DOK5: variants seen among roughly 807,000 people sequenced by gnomAD.
The protein encoded by DOK5 is downstream of tyrosine kinase 5.
A neutral mutation model predicts 43.3 loss-of-function variants in DOK5; 27 were observed. That is an observed-to-expected ratio of 0.62 (90% CI 0.46 to 0.86). DOK5 has a LOEUF of 0.86. DOK5 is among the 40% of genes least tolerant of loss of function. The pLI, the probability that DOK5 is intolerant of heterozygous loss-of-function variation, is 0.00. For synonymous variants in DOK5, 146 were observed against 140.1 expected, an observed-to-expected ratio of 1.04 and a Z score of -0.30; for missense variants, 373 against 392.9, an observed-to-expected ratio of 0.95 and a Z score of 0.43.
intron 1 of DOK5, among the ~76,000 whole-genome samples, chr20:54,539,934 C>G (rs547282702): frequency 6.6e-6 from 1 of 152,184 alleles, no homozygotes; most frequent in Non-Finnish European, 1.5e-5. Flanking sequence ...TGAAGTGCAG[C>G]GGAGGAAATA....
Position 54,589,180 on chromosome 20 carries a change from G to A in DOK5, c.409+374G>A, listed in dbSNP as rs191844637. Among the ~76,000 whole-genome samples the A allele has an allele frequency of 3.9e-5, 6 of 152,260 alleles. No individual in the cohort carries two copies. The East Asian group carries it at 9.7e-4, about 25-fold the overall frequency. ...ATGAGGAAACTAAAATTTAGAGGAC[G>A]TAAAGACTTTCCTTCAATTCTGTTA... On this transcript the variant is annotated intron_variant, in intron 4 of 7. Transcript: ENST00000262593.
At chr20:54,559,759 G>A (rs549614963) in intron 2 of DOK5, among the ~76,000 whole-genome samples, 5 of 152,342 alleles carry the variant, frequency 3.3e-5, no homozygotes, top group South Asian at 2.1e-4. Flanking sequence ...AGGGAACACA[G>A]TCTGGGATTT....
intron 1 of DOK5, among the ~76,000 whole-genome samples, chr20:54,553,721 C>A (rs1384180204): frequency 6.7e-6 from 1 of 150,190 alleles, no homozygotes; most frequent in Non-Finnish European, 1.5e-5. Context: ...ATGGTGAAAC[C>A]CGGTCTCTAC....
intron 1 of DOK5, among the ~76,000 whole-genome samples, chr20:54,519,868 G>A (rs1385086681): frequency 6.6e-6 from 1 of 152,166 alleles, no homozygotes; most frequent in Non-Finnish European, 1.5e-5. Context: ...ATTAGAAATT[G>A]TAGATTATCT....
At position 54,497,273 on chromosome 20, in the gene DOK5, T is replaced by C. The variant is rs570525500; in HGVS notation, c.66+21261T>C. Reference sequence around the variant, plus strand: ...GGTCCTTAATGAATCAATGAATGAATATTACAAACCCGAATGTAGAGACAC... The same window carrying C: ...GGTCCTTAATGAATCAATGAATGAACATTACAAACCCGAATGTAGAGACAC... On this transcript the variant is annotated intron_variant, in intron 1 of 7. Transcript: ENST00000262593. Among the ~76,000 whole-genome samples, 3 of 152,336 alleles carry C rather than the reference T, an allele frequency of 2.0e-5. No homozygotes were observed. The East Asian group carries it at 5.8e-4, about 29-fold the overall frequency.
rs983630076 is a variant in DOK5 at position 54,590,516 on chromosome 20, G to GC, written c.410-1100_410-1099insC. 6.9e-5 allele frequency among the ~76,000 whole-genome samples: 8 copies of GC among 116,330 alleles called. 1 individual carries two copies. The highest frequency in any genetic ancestry group is 3.5e-4 in the African/African-American group (8 of 22,686). 76.3% of individuals were successfully genotyped at this position (116,330 alleles called of 152,430 possible). On this transcript the variant is annotated intron_variant, in intron 4 of 7. Transcript: ENST00000262593. ...AGTCTTTCTTACTTGGAACTTTCAA[G>GC]GGGGGGGAATATGCTCAATTAGAAT...
chr20:54,555,542 T>G (rs1984682577), intron 2 of DOK5: 2 of 155,042 alleles, frequency 1.3e-5, no homozygotes, highest in African/African-American at 2.4e-5. Flanking sequence ...ATAGTCATTG[T>G]GTGTTACAAC....
At chr20:54,576,746 C>A (rs1049889548) in intron 2 of DOK5, among the ~76,000 whole-genome samples, 8 of 152,172 alleles carry the variant, frequency 5.3e-5, no homozygotes, top group Admixed American at 2.6e-4. Flanking sequence ...TATGTACCCA[C>A]ATAAAACCAA....
In DOK5 at chr20:54,550,598, T is replaced by C. The variant is rs184422908; in HGVS notation, c.67-4335T>C. On this transcript the variant is annotated intron_variant, in intron 1 of 7. Coordinates refer to ENST00000262593, the MANE Select transcript of DOK5 (RefSeq NM_018431.5). ...GTTAATCTGTTTTCCGTTTCTATAA[T>C]TTTGTGACATCAAGAATGCTATACA... 1.6e-3 allele frequency among the ~76,000 whole-genome samples: 237 copies of C among 152,332 alleles called. 1 individual carries two copies. The highest frequency in any genetic ancestry group is 3.7e-3 in the African/African-American group (155 of 41,582).
intron 1 of DOK5, among the ~76,000 whole-genome samples, chr20:54,494,063 T>C (rs544745462): frequency 6.6e-6 from 1 of 152,370 alleles, no homozygotes; most frequent in East Asian, 1.9e-4. Context: ...GAGTGTTGTT[T>C]TGATGATTTT....
intron 2 of DOK5, among the ~76,000 whole-genome samples, chr20:54,561,087 C>A (rs1035908006): frequency 9.2e-5 from 14 of 152,170 alleles, no homozygotes; most frequent in African/African-American, 1.2e-4. Flanking sequence ...GCTGTATAGA[C>A]CCCTTTTCTT....
intron 1 of DOK5, among the ~76,000 whole-genome samples, chr20:54,505,357 T>A (rs1427236108): frequency 6.6e-6 from 1 of 152,106 alleles, no homozygotes; most frequent in African/African-American, 2.4e-5. Context: ...GTTGAGCAGT[T>A]GTGGCAGAGA....
At chr20:54,587,577 C>T (rs887981175) in intron 2 of DOK5, among the ~76,000 whole-genome samples, 5 of 152,296 alleles carry the variant, frequency 3.3e-5, no homozygotes, top group African/African-American at 4.8e-5. Flanking sequence ...CCTAAGGCTT[C>T]GCTCAGGCAT....
At chr20:54,479,941 T>C (rs567264530) in intron 1 of DOK5, among the ~76,000 whole-genome samples, 12 of 152,118 alleles carry the variant, frequency 7.9e-5, no homozygotes, top group Admixed American at 6.6e-4. Flanking sequence ...GGCTGTATCT[T>C]TGAAATATAT....
At position 54,607,881 on chromosome 20, in the gene DOK5, T is replaced by TAAAACAAAAC. The variant is rs146059505; in HGVS notation, c.600-2468_600-2459dup. ...CTGGGCGACAGAGCGAGACTCCATC[T>TAAAACAAAAC]AAAACAAAACAAAACAAAACAAAAC... On this transcript the variant is annotated intron_variant, in intron 5 of 7. Transcript: ENST00000262593. 1.0e-2 allele frequency among the ~76,000 whole-genome samples: 1,224 copies of TAAAACAAAAC among 122,470 alleles called. 17 individuals carry two copies. Among genetic ancestry groups the TAAAACAAAAC allele is most frequent in the African/African-American group, 0.056 (1,059 of 18,918 alleles). 80.3% of individuals were successfully genotyped at this position (122,470 alleles called of 152,430 possible).
At chr20:54,560,823 G>A (rs993731812) in intron 2 of DOK5, among the ~76,000 whole-genome samples, 1 of 151,856 alleles carries the variant, frequency 6.6e-6, no homozygotes, top group Non-Finnish European at 1.5e-5. Context: ...GGTTTCACCA[G>A]GTTGGCCAGG....
intron 1 of DOK5, among the ~76,000 whole-genome samples, chr20:54,509,830 C>A (rs1021301113): frequency 2.0e-5 from 3 of 152,268 alleles, no homozygotes; most frequent in Admixed American, 6.5e-5. Context: ...CCTGCCTCCA[C>A]CTGTCCCGAA....
intron 2 of DOK5, among the ~76,000 whole-genome samples, chr20:54,584,096 ATC>A (rs1420443047): frequency 6.6e-6 from 1 of 152,048 alleles, no homozygotes. Context: ...GTTAGCTGAG[ATC>A]ACACCACTGT....
chr20:54,528,994 C>T (rs1191297183), intron 1 of DOK5, among the ~76,000 whole-genome samples: 2 of 152,164 alleles, frequency 1.3e-5, no homozygotes, highest in African/African-American at 4.8e-5. Context: ...GTTAAAGCAT[C>T]TTTGCATCTT....
Sources: gnomAD v4.1 joint callset for allele counts (sites outside exome capture counted in the v4.1 genomes callset) on GRCh38, gnomAD v4.1.1 for gene constraint, MANE v1.5 for transcripts, NCBI Gene and HGNC (gene_info 2026-07-23, HGNC 2026-07-21) for gene names.